ZZEF1: variants seen among roughly 807,000 people sequenced by gnomAD.
ZZEF1 encodes the protein zinc finger ZZ-type and EF-hand domain containing 1.
ZZEF1 carries 157 observed loss-of-function variants against 342.8 expected under a neutral mutation model. That is an observed-to-expected ratio of 0.46 (90% CI 0.40 to 0.52). ZZEF1 has a LOEUF of 0.52. Ranked by LOEUF, ZZEF1 falls within the 20% of genes least tolerant of loss-of-function variation. The probability of loss-of-function intolerance (pLI) is 0.00; values close to 1 mark genes in which losing one functional copy is unlikely to be tolerated. For synonymous variants in ZZEF1, 1,505 were observed against 1,429.1 expected (o/e 1.05, Z -1.20); for missense variants, 3,480 against 3,725.6 (o/e 0.93, Z 1.72).
In ZZEF1 at chr17:4,025,125, G is replaced by A; in HGVS notation, c.6893-7C>T. ...ACCAGCTGGTAGTCCTTCACTGAAG[G>A]GTGACATCAGGCAGAAAAAGAAAGG... is the stretch of plus-strand genomic sequence containing the variant. On this transcript the variant is annotated splice_polypyrimidine_tract_variant and splice_region_variant and intron_variant, in intron 42 of 54. Transcript: ENST00000381638. 1 of 1,613,580 alleles carries A rather than the reference G, an allele frequency of 6.2e-7. No homozygotes were observed. Among genetic ancestry groups the A allele is most frequent in the East Asian group, 2.2e-5 (1 of 44,898 alleles).
chr17:4,123,211 C>T (rs1264719273), intron 2 of ZZEF1, among the ~76,000 whole-genome samples: 5 of 144,822 alleles, frequency 3.5e-5, no homozygotes, highest in African/African-American at 7.5e-5. Context: ...TAAGCCACCG[C>T]GCCCGGCCTG....
chr17:4,044,175 G>C, intron 38 of ZZEF1, 49 bp downstream of exon 38: 1 of 1,598,704 alleles, frequency 6.3e-7, no homozygotes, highest in Non-Finnish European at 8.5e-7. Flanking sequence ...ATGGGTATAT[G>C]TGCATTTTAA....
intron 46 of ZZEF1, among the ~76,000 whole-genome samples, chr17:4,018,331 G>A (rs1246735030): frequency 6.6e-6 from 1 of 151,896 alleles, no homozygotes; most frequent in Non-Finnish European, 1.5e-5. Flanking sequence ...GGCCGGCCTG[G>A]AACTCCTGGG....
intron 21 of ZZEF1, among the ~76,000 whole-genome samples, 177 bp from the exon 22 acceptor site, chr17:4,075,606 G>A (rs997688273): frequency 3.3e-5 from 5 of 152,084 alleles, no homozygotes; most frequent in African/African-American, 4.8e-5. Flanking sequence ...ATCAACACAC[G>A]TCCACCACGC....
chr17:4,012,824 A>C (rs1254446362), intron 52 of ZZEF1, among the ~76,000 whole-genome samples: 1 of 152,248 alleles, frequency 6.6e-6, no homozygotes, highest in Non-Finnish European at 1.5e-5. Context: ...GTACATCAGC[A>C]AAAACAAAGC....
chr17:4,142,254 TAGA>T (rs5818934), intron 1 of ZZEF1, among the ~76,000 whole-genome samples: 115,984 of 152,004 alleles, frequency 0.76, 46,518 homozygotes, highest in East Asian at 1. Context: ...GAGAATCTGA[TAGA>T]AGATCTCCAG....
intron 37 of ZZEF1, among the ~76,000 whole-genome samples, chr17:4,047,026 C>T (rs1251837119): frequency 1.3e-5 from 2 of 152,138 alleles, no homozygotes; most frequent in Non-Finnish European, 2.9e-5. Context: ...GTTGTGGGGA[C>T]AGTGCTGGAA....
rs183702985 is a variant in ZZEF1 at position 4,027,445 on chromosome 17, C to T, written c.6893-2327G>A. On this transcript the variant is annotated intron_variant, in intron 42 of 54. Transcript: ENST00000381638. Reference sequence around the variant, plus strand: ...TAGCAGTTGGGATTACAGGCGCACACCACCACGTGTGGCTAATTTTTGTAT... The same window carrying T: ...TAGCAGTTGGGATTACAGGCGCACATCACCACGTGTGGCTAATTTTTGTAT... Among the ~76,000 whole-genome samples the T allele has an allele frequency of 1.7e-3, 261 of 151,786 alleles. 2 individuals are homozygous for T. The highest frequency in any genetic ancestry group is 6.1e-3 in the African/African-American group (254 of 41,360).
intron 1 of ZZEF1, among the ~76,000 whole-genome samples, chr17:4,127,604 C>T (rs532973146): frequency 1.3e-5 from 2 of 152,204 alleles, no homozygotes; most frequent in African/African-American, 4.8e-5. Flanking sequence ...AAAGCCAGAT[C>T]CCCCTTCCCA....
intron 31 of ZZEF1, among the ~76,000 whole-genome samples, chr17:4,058,656 C>A (rs2057219884): frequency 6.6e-6 from 1 of 152,188 alleles, no homozygotes; most frequent in South Asian, 2.1e-4. Flanking sequence ...AGGCAGACTG[C>A]TTGAGCCCAG....
In ZZEF1 at chr17:4,072,240, C is replaced by T. The variant is rs1159140031; in HGVS notation, c.3834+368G>A. Reference sequence around the variant, plus strand: ...TTTTTAGTTTTTAAAATCTTATACACCTAAATCATGTGCTGTAATTCTAAG... The same window carrying T: ...TTTTTAGTTTTTAAAATCTTATACATCTAAATCATGTGCTGTAATTCTAAG... On this transcript the variant is annotated intron_variant, in intron 25 of 54. Transcript: ENST00000381638. 3.9e-5 allele frequency among the ~76,000 whole-genome samples: 6 copies of T among 152,282 alleles called. No homozygotes were observed. The East Asian group carries it at 1.2e-3, about 29-fold the overall frequency.
Position 4,022,768 on chromosome 17 carries a change from C to T in ZZEF1, c.7153G>A (p.Val2385Met). 6.2e-7 allele frequency: 1 copy of T among 1,613,862 alleles called. No individual in the cohort carries two copies. The highest frequency in any genetic ancestry group is 8.5e-7 in the Non-Finnish European group (1 of 1,179,992). ...CCAGTCCCTTTGCTGCACTTTTTCACCAGCAACTTCAGCAAATCGGTCTGA... is the reference window on the plus strand; with the variant it reads ...CCAGTCCCTTTGCTGCACTTTTTCATCAGCAACTTCAGCAAATCGGTCTGA... ...FLQTDLLKLL[V>M]KKCSKGTGFS... The change falls in exon 44 of 55, where the codon GTG becomes ATG. Residue 2385 changes from valine to methionine, a missense_variant. By Grantham distance (21) the Val-to-Met change is conservative. This residue lies in a region of ZZEF1 where 1,269 missense variants were observed against 1,342.4 expected (regional missense o/e 0.95). Transcript: ENST00000381638.
intron 46 of ZZEF1, 40 bp from the exon 47 acceptor site, chr17:4,018,011 G>A: frequency 1.2e-6 from 2 of 1,608,726 alleles, no homozygotes; most frequent in Non-Finnish European, 1.7e-6. Context: ...CAACAGTGTA[G>A]ACAGGCCAGT....
chr17:4,056,002 T>C (rs1281235479), intron 33 of ZZEF1, among the ~76,000 whole-genome samples: 1 of 152,236 alleles, frequency 6.6e-6, no homozygotes, highest in Non-Finnish European at 1.5e-5. Flanking sequence ...ATGCCGCAGC[T>C]GATCGGACAG....
intron 29 of ZZEF1, among the ~76,000 whole-genome samples, chr17:4,064,067 G>A (rs72827337): frequency 5.3e-5 from 8 of 151,616 alleles, no homozygotes; most frequent in Non-Finnish European, 8.8e-5. Flanking sequence ...AGATGGAGGG[G>A]GGGGGGTCTC....
At chr17:4,077,047 T>C (rs2057636742) in intron 19 of ZZEF1, 58 bp from the exon 20 acceptor site, 18 of 1,482,464 alleles carry the variant, frequency 1.2e-5, no homozygotes, top group Non-Finnish European at 1.6e-5. Context: ...ACATGCTTGG[T>C]TATCACCACA....
chr17:4,038,524 G>A (rs2056725823), intron 39 of ZZEF1, among the ~76,000 whole-genome samples: 2 of 152,244 alleles, frequency 1.3e-5, no homozygotes, highest in African/African-American at 4.8e-5. Context: ...CCAGACACAG[G>A]CCGGGCGCAG....
intron 36 of ZZEF1, 50 bp downstream of exon 36, chr17:4,050,731 T>C: frequency 6.2e-7 from 1 of 1,607,472 alleles, no homozygotes; most frequent in South Asian, 1.1e-5. Flanking sequence ...AAGGCTTTTT[T>C]TCACCAGCAA....
At chr17:4,113,766 T>C (rs1488166014) in intron 4 of ZZEF1, among the ~76,000 whole-genome samples, 1 of 151,990 alleles carries the variant, frequency 6.6e-6, no homozygotes, top group Admixed American at 6.6e-5. Context: ...GGCTAGGAGT[T>C]TGAGACAAGC....
Sources: gnomAD v4.1 joint callset for allele counts (sites outside exome capture counted in the v4.1 genomes callset) on GRCh38, gnomAD v4.1.1 for gene constraint, gnomAD v4.1.1 regional missense constraint, MANE v1.5 for transcripts, NCBI Gene and HGNC (gene_info 2026-07-23, HGNC 2026-07-21) for gene names.